Variants in TUSC3 observed in about 807,000 individuals in gnomAD.
TUSC3 encodes tumor suppressor candidate 3, also known as dolichyl-diphosphooligosaccharide--protein glycosyltransferase subunit TUSC3.
Under a neutral mutation model 44.8 loss-of-function variants are expected in TUSC3, and 45 were observed. The observed-to-expected ratio is 1.00, with a 90% CI of 0.79 to 1.29. The LOEUF is 1.29. Ranked by LOEUF, TUSC3 falls within the 50% of genes most tolerant of loss-of-function variation. The pLI, the probability that TUSC3 is intolerant of heterozygous loss-of-function variation, is 0.00. For missense variants in TUSC3, 519 were observed against 437.9 expected (o/e 1.19, Z -1.65); for synonymous variants, 212 against 152.9 (o/e 1.39, Z -2.85).
At chr8:15,591,158 G>C (rs1031267576) in intron 1 of TUSC3, among the ~76,000 whole-genome samples, 1 of 152,056 alleles carries the variant, frequency 6.6e-6, no homozygotes, top group Non-Finnish European at 1.5e-5. Context: ...AATATTTGAA[G>C]ATTTAAAAGT....
chr8:15,548,356 A>G (rs145423869), intron 1 of TUSC3, among the ~76,000 whole-genome samples: 1 of 151,964 alleles, frequency 6.6e-6, no homozygotes, highest in Admixed American at 6.6e-5. Context: ...TTATTTCAGC[A>G]TCTTGCAAAT....
the TUSC3 span, among the ~76,000 whole-genome samples, chr8:15,836,112 C>T: frequency 1.3e-5 from 2 of 151,514 alleles, no homozygotes; most frequent in African/African-American, 2.4e-5. Context: ...TTCATTTATT[C>T]TCATACTATT....
chr8:15,833,981 T>G, the TUSC3 span, among the ~76,000 whole-genome samples: 1 of 152,190 alleles, frequency 6.6e-6, no homozygotes, highest in African/African-American at 2.4e-5. Flanking sequence ...AAAGTATATG[T>G]GCATTCAAAT....
At chr8:15,758,019 A>G (rs1267658573) in intron 10 of TUSC3, 164 bp downstream of exon 10, 1 of 1,424,302 alleles carries the variant, frequency 7.0e-7, no homozygotes, top group African/African-American at 1.4e-5. Context: ...TATTATGTTT[A>G]TCTGCCACAG....
At chr8:15,601,041 C>T (rs1474400583) in intron 1 of TUSC3, among the ~76,000 whole-genome samples, 1 of 151,558 alleles carries the variant, frequency 6.6e-6, no homozygotes, top group Admixed American at 6.6e-5. Context: ...ATTCAGAGTG[C>T]AAGCTATAAC....
chr8:15,809,046 G>A, the TUSC3 span, among the ~76,000 whole-genome samples: 2 of 152,136 alleles, frequency 1.3e-5, no homozygotes, highest in Non-Finnish European at 2.9e-5. Flanking sequence ...GTTGGTGGGA[G>A]GAAAAGCACG....
intron 2 of TUSC3, among the ~76,000 whole-genome samples, chr8:15,531,848 A>G (rs987918902): frequency 5.3e-5 from 8 of 152,202 alleles, no homozygotes; most frequent in Non-Finnish European, 8.8e-5. Flanking sequence ...CTGGAATTGT[A>G]CTGACTACTT....
At chr8:15,437,005 G>A (rs1045466778) in intron 1 of TUSC3, among the ~76,000 whole-genome samples, 5 of 152,074 alleles carry the variant, frequency 3.3e-5, no homozygotes, top group African/African-American at 1.2e-4. Context: ...TAAAATTGAT[G>A]CATGAACACA....
intron 1 of TUSC3, among the ~76,000 whole-genome samples, chr8:15,550,397 G>C (rs563263666): frequency 1.3e-5 from 2 of 151,766 alleles, no homozygotes; most frequent in South Asian, 2.1e-4. Context: ...AGTAACTGTA[G>C]AATGTGATTT....
At chr8:15,768,910 C>A (rs573079876), downstream of TUSC3, among the ~76,000 whole-genome samples, 1 of 152,276 alleles carries the variant, frequency 6.6e-6, no homozygotes, top group South Asian at 2.1e-4. Flanking sequence ...CTACAAACCA[C>A]TGCACAAGGA....
chr8:15,650,038 T>A (rs544170321), intron 2 of TUSC3, among the ~76,000 whole-genome samples: 28 of 152,296 alleles, frequency 1.8e-4, no homozygotes, highest in Admixed American at 1.8e-3. Flanking sequence ...TCTGGAAAAT[T>A]AGCAAAATAT....
chr8:15,555,572 G>C (rs1162253851), intron 1 of TUSC3, among the ~76,000 whole-genome samples: 2 of 151,500 alleles, frequency 1.3e-5, no homozygotes, highest in African/African-American at 2.4e-5. Flanking sequence ...TGGGATTACA[G>C]TATTACAGTC....
chr8:15,674,998 T>C (rs1808120342), intron 6 of TUSC3, among the ~76,000 whole-genome samples: 1 of 152,006 alleles, frequency 6.6e-6, no homozygotes, highest in African/African-American at 2.4e-5. Context: ...TCCTCCCTGG[T>C]CCCTATACTC....
chr8:15,458,142 G>C lies in TUSC3; in HGVS notation n.92-25244G>C, dbSNP rs531678844. ...AGGATGATGGTTATGTCTAGTGAGAGGAAGGAAGGTGACGAGATGGGTTAA... is the reference window on the plus strand; with the variant it reads ...AGGATGATGGTTATGTCTAGTGAGACGAAGGAAGGTGACGAGATGGGTTAA... On this transcript the variant is annotated intron_variant and non_coding_transcript_variant, in intron 1 of 5. Coordinates refer to the TUSC3 transcript ENST00000503191. 2.7e-4 allele frequency among the ~76,000 whole-genome samples: 41 copies of C among 152,196 alleles called. 1 individual carries two copies. The South Asian group carries it at 7.7e-3, about 28-fold the overall frequency.
intron 6 of TUSC3, among the ~76,000 whole-genome samples, chr8:15,729,586 A>G (rs1810632605): frequency 6.6e-6 from 1 of 152,186 alleles, no homozygotes; most frequent in Non-Finnish European, 1.5e-5. Context: ...GCAAGAGGGC[A>G]TTATCCTAAG....
intron 2 of TUSC3, among the ~76,000 whole-genome samples, chr8:15,533,960 A>T (rs924111039): frequency 1.3e-5 from 2 of 152,156 alleles, no homozygotes; most frequent in Non-Finnish European, 2.9e-5. Context: ...GTGATGGCTG[A>T]CATTAGCCAT....
At chr8:15,540,645 G>C (rs1020023828) in intron 1 of TUSC3, 77 bp downstream of exon 1, 13 of 1,442,756 alleles carry the variant, frequency 9.0e-6, no homozygotes, top group Non-Finnish European at 1.1e-5. Flanking sequence ...CAGCCCTGCC[G>C]TGTTGCTAGG....
chr8:15,566,061 T>C (rs1802658065), intron 1 of TUSC3, among the ~76,000 whole-genome samples: 1 of 152,198 alleles, frequency 6.6e-6, no homozygotes, highest in Non-Finnish European at 1.5e-5. Context: ...TTCCTTGTTT[T>C]TTCTGTCCAT....
At chr8:15,717,818 T>G (rs987092088) in intron 6 of TUSC3, among the ~76,000 whole-genome samples, 30 of 152,090 alleles carry the variant, frequency 2.0e-4, no homozygotes, top group African/African-American at 7.2e-4. Context: ...AAAAATACTT[T>G]TATCCCTAGT....
Sources: allele counts gnomAD v4.1 joint callset (sites outside exome capture counted in the v4.1 genomes callset), GRCh38; gene constraint gnomAD v4.1.1; transcripts MANE v1.5; gene names NCBI Gene and HGNC (gene_info 2026-07-23, HGNC 2026-07-21).